The following SEMA3A variants were observed in gnomAD, a reference collection of about 807,000 sequenced individuals.
SEMA3A encodes the protein semaphorin-3A.
SEMA3A carries 29 observed loss-of-function variants against 97.9 expected under a neutral mutation model. The observed-to-expected ratio is 0.30, with a 90% CI of 0.22 to 0.40. The LOEUF (loss-of-function observed/expected upper bound fraction) is 0.40, where lower values mean the gene tolerates loss of function less well. Among genes scored for constraint, SEMA3A ranks in the 10% least tolerant of loss-of-function variants. The pLI, the probability that SEMA3A is intolerant of heterozygous loss-of-function variation, is 1.00. For missense variants in SEMA3A, 763 were observed against 951.3 expected (o/e 0.80, Z 2.60); for synonymous variants, 321 against 323.7 (o/e 0.99, Z 0.09).
Position 84,253,738 on chromosome 7 carries a change from G to A in SEMA3A, c.-83+53469C>T, listed in dbSNP as rs1160287720. On this transcript the variant is annotated intron_variant, in intron 3 of 3. Transcript: ENST00000424555. ...TAAGAGAGAAAGATAAAGATACCTG[G>A]AAATGACTTCTGTGGAGAATTGCAG... Among the ~76,000 whole-genome samples the A allele has an allele frequency of 2.0e-5, 3 of 152,098 alleles. No individual in the cohort carries two copies. The East Asian group carries it at 5.8e-4, about 29-fold the overall frequency.
intron 3 of SEMA3A, among the ~76,000 whole-genome samples, chr7:84,242,065 G>A (rs955634827): frequency 6.6e-6 from 1 of 152,112 alleles, no homozygotes; most frequent in Admixed American, 6.5e-5. Flanking sequence ...GTAGCATGAT[G>A]CCACCAGCTT....
chr7:84,030,177 T>C (rs917829780), intron 6 of SEMA3A, among the ~76,000 whole-genome samples: 1 of 152,104 alleles, frequency 6.6e-6, no homozygotes, highest in East Asian at 1.9e-4. Context: ...CTAAATAATA[T>C]AGAACTTTCT....
intron 2 of SEMA3A, among the ~76,000 whole-genome samples, chr7:84,330,964 T>C (rs1801897477): frequency 6.6e-6 from 1 of 152,100 alleles, no homozygotes; most frequent in African/African-American, 2.4e-5. Context: ...TTCCATGCCA[T>C]GGAAAGAAAG....
At chr7:83,967,426 AT>A (rs1788743642) in intron 15 of SEMA3A, among the ~76,000 whole-genome samples, 1 of 152,060 alleles carries the variant, frequency 6.6e-6, no homozygotes, top group Non-Finnish European at 1.5e-5. Flanking sequence ...TTATAACCTT[AT>A]TAAGTTCTTC....
At chr7:84,410,471 C>CCCT (rs1804232456) in intron 1 of SEMA3A, among the ~76,000 whole-genome samples, 1 of 152,104 alleles carries the variant, frequency 6.6e-6, no homozygotes, top group South Asian at 2.1e-4. Context: ...CTTGGTTCAA[C>CCCT]ACCTGTAAAG....
chr7:84,167,518 GAC>G (rs1797250414), intron 1 of SEMA3A, among the ~76,000 whole-genome samples: 1 of 152,156 alleles, frequency 6.6e-6, no homozygotes, highest in Admixed American at 6.5e-5. Context: ...GAATACTAGA[GAC>G]ACAGAGAGTT....
At chr7:84,214,321 T>TA (rs1798695900) in intron 3 of SEMA3A, among the ~76,000 whole-genome samples, 1 of 152,236 alleles carries the variant, frequency 6.6e-6, no homozygotes, top group Non-Finnish European at 1.5e-5. Flanking sequence ...CAGTTGGACT[T>TA]ACATTGTATG....
intron 4 of SEMA3A, among the ~76,000 whole-genome samples, chr7:84,065,915 T>C (rs886920160): frequency 1.3e-5 from 2 of 151,614 alleles, no homozygotes; most frequent in African/African-American, 4.9e-5. Flanking sequence ...CCCTAACTCA[T>C]TTTATGAGGC....
rs1468244867 is a variant in SEMA3A at position 83,959,430 on chromosome 7, A to C, written c.*1941T>G. 1 of 152,054 alleles carries C rather than the reference A, an allele frequency of 6.6e-6. No individual in the cohort carries two copies. The highest frequency in any genetic ancestry group is 6.6e-5 in the Admixed American group (1 of 15,226). 9.4% of individuals were successfully genotyped at this position (152,054 alleles called of 1,614,324 possible). Reference sequence around the variant, plus strand: ...TGTACAGTGGTGTGTCCTTCAAATAATTTAACAATTTGGCTTCCATGTGAG... The same window carrying C: ...TGTACAGTGGTGTGTCCTTCAAATACTTTAACAATTTGGCTTCCATGTGAG... On this transcript the variant is annotated 3_prime_UTR_variant, in exon 17 of 17. Coordinates refer to ENST00000265362, the MANE Select transcript of SEMA3A (RefSeq NM_006080.3).
chr7:84,442,839 C>CA (rs1025463582), intron 1 of SEMA3A, among the ~76,000 whole-genome samples: 1 of 151,846 alleles, frequency 6.6e-6, no homozygotes, highest in African/African-American at 2.4e-5. Context: ...TAATATCAGA[C>CA]AAAATGGACT....
chr7:84,369,632 A>C (rs1215429012), intron 2 of SEMA3A, among the ~76,000 whole-genome samples: 1 of 150,698 alleles, frequency 6.6e-6, no homozygotes, highest in Non-Finnish European at 1.5e-5. Context: ...ATGTTAATTC[A>C]TTTATTCAAA....
intron 9 of SEMA3A, among the ~76,000 whole-genome samples, chr7:84,008,489 T>G (rs946400860): frequency 4.9e-5 from 3 of 61,254 alleles, no homozygotes; most frequent in African/African-American, 3.1e-4. Context: ...AGACTCCGTC[T>G]CAAAAAAAAA....
chr7:84,313,614 G>C (rs1366521835), intron 2 of SEMA3A, among the ~76,000 whole-genome samples: 1 of 151,058 alleles, frequency 6.6e-6, no homozygotes, highest in Non-Finnish European at 1.5e-5. Flanking sequence ...ATTACATCAT[G>C]CATTGGTATT....
intron 1 of SEMA3A, chr7:84,372,323 T>A (rs1802995647): frequency 6.6e-6 from 1 of 152,134 alleles, no homozygotes; most frequent in South Asian, 2.1e-4. Context: ...GTTAACTCAC[T>A]GTGAGTGAGT....
intron 5 of SEMA3A, among the ~76,000 whole-genome samples, chr7:84,054,883 G>A (rs1792879960): frequency 6.6e-6 from 1 of 151,024 alleles, no homozygotes. Flanking sequence ...TGGGTTTTTG[G>A]TGTGGATGTC....
chr7:84,050,199 G>A (rs1181409564), intron 5 of SEMA3A, among the ~76,000 whole-genome samples: 5 of 152,116 alleles, frequency 3.3e-5, no homozygotes, highest in Non-Finnish European at 7.3e-5. Context: ...CTTTATAGCA[G>A]CATGATTTAT....
chr7:84,238,069 T>C (rs551275344), intron 3 of SEMA3A, among the ~76,000 whole-genome samples: 1 of 151,878 alleles, frequency 6.6e-6, no homozygotes, highest in South Asian at 2.1e-4. Context: ...CCAGAGGATA[T>C]TCAATTTTTT....
chr7:84,042,056 G>A (rs758376828), intron 6 of SEMA3A, among the ~76,000 whole-genome samples: 8 of 152,078 alleles, frequency 5.3e-5, no homozygotes, highest in African/African-American at 9.7e-5. Context: ...GTTAACTTGC[G>A]TATTCATAGT....
At chr7:84,297,781 A>G (rs1226703174) in intron 3 of SEMA3A, among the ~76,000 whole-genome samples, 2 of 152,166 alleles carry the variant, frequency 1.3e-5, no homozygotes, top group Non-Finnish European at 2.9e-5. Flanking sequence ...GCACTCCTAG[A>G]CATAAATTGT....
Sources: allele counts gnomAD v4.1 joint callset (sites outside exome capture counted in the v4.1 genomes callset), GRCh38; gene constraint gnomAD v4.1.1; transcripts MANE v1.5; gene names NCBI Gene and HGNC (gene_info 2026-07-23, HGNC 2026-07-21).